Variants in NAALADL2 observed in about 807,000 individuals in gnomAD.
NAALADL2 encodes the protein inactive N-acetylated-alpha-linked acidic dipeptidase-like protein 2.
NAALADL2 carries 76 observed loss-of-function variants against 87.2 expected under a neutral mutation model. The observed-to-expected ratio is 0.87, with a 90% confidence interval of 0.72 to 1.05. The LOEUF (loss-of-function observed/expected upper bound fraction) is 1.05, where lower values mean the gene tolerates loss of function less well. Ranked by LOEUF, NAALADL2 falls within the 50% of genes least tolerant of loss-of-function variation. The pLI, the probability that NAALADL2 is intolerant of heterozygous loss-of-function variation, is 0.00. For missense variants in NAALADL2, 1,089 were observed against 945.8 expected, an observed-to-expected ratio of 1.15 and a Z score of -1.99; for synonymous variants, 354 against 331.0, an observed-to-expected ratio of 1.07 and a Z score of -0.75.
At chr3:175,297,090 C>T (rs977864025) in intron 4 of NAALADL2, among the ~76,000 whole-genome samples, 3 of 152,126 alleles carry the variant, frequency 2.0e-5, no homozygotes, top group Non-Finnish European at 4.4e-5. Flanking sequence ...TACTTACTGG[C>T]CTGTAGGTAC....
intron 13 of NAALADL2, among the ~76,000 whole-genome samples, chr3:175,778,671 AATT>A (rs1750599516): frequency 6.6e-6 from 1 of 152,222 alleles, no homozygotes. Context: ...CAGCTCATGT[AATT>A]ATTATAAAAA....
At chr3:175,017,275 A>G (rs913104445) in intron 1 of NAALADL2, among the ~76,000 whole-genome samples, 11 of 152,058 alleles carry the variant, frequency 7.2e-5, no homozygotes, top group Non-Finnish European at 4.4e-5. Flanking sequence ...AAATAGCCAG[A>G]CACTATTTTC....
chr3:174,532,250 A>G (rs934767451), intron 1 of NAALADL2, among the ~76,000 whole-genome samples: 1 of 152,314 alleles, frequency 6.6e-6, no homozygotes, highest in East Asian at 1.9e-4. Flanking sequence ...TGAGACAGAC[A>G]TGAGCACCTG....
intron 2 of NAALADL2, among the ~76,000 whole-genome samples, chr3:175,103,786 T>C (rs993691053): frequency 2.0e-5 from 3 of 152,194 alleles, no homozygotes; most frequent in Admixed American, 6.5e-5. Context: ...ACACAACTTA[T>C]GACCACTCTG....
chr3:174,521,922 C>T (rs1387157712), intron 1 of NAALADL2, among the ~76,000 whole-genome samples: 1 of 151,992 alleles, frequency 6.6e-6, no homozygotes, highest in African/African-American at 2.4e-5. Context: ...CACATATGGT[C>T]TCTGAATCTA....
chr3:174,964,035 G>GA (rs35955059), intron 1 of NAALADL2, among the ~76,000 whole-genome samples: 53 of 151,178 alleles, frequency 3.5e-4, no homozygotes, highest in African/African-American at 7.8e-4. Flanking sequence ...AATCTTTTGG[G>GA]AAAAAAAACT....
rs200140671 is a variant in NAALADL2 at position 175,455,504 on chromosome 3, G to A, written c.1235-7897G>A. ...GTAAAAGTTATTTTTTCTCATATTC[G>A]TATTATTTAAAATGTCTTCCTAGTT... On this transcript the variant is annotated intron_variant, in intron 6 of 13. Transcript: ENST00000454872. 8.6e-5 allele frequency among the ~76,000 whole-genome samples: 13 copies of A among 151,988 alleles called. No individual in the cohort carries two copies. The South Asian group carries it at 2.1e-3, about 24-fold the overall frequency.
rs184773753 is a variant in NAALADL2 at position 175,723,076 on chromosome 3, A to T, written c.1897-14230A>T. Reference sequence around the variant, plus strand: ...CGGCTCCTAGGGGCAGGTTCTGCTGAGCCCCAGCGTCTAGTCAAGCTGTCC... The same window carrying T: ...CGGCTCCTAGGGGCAGGTTCTGCTGTGCCCCAGCGTCTAGTCAAGCTGTCC... On this transcript the variant is annotated intron_variant, in intron 11 of 13. Coordinates refer to ENST00000454872, the MANE Select transcript of NAALADL2 (RefSeq NM_207015.3). Among the ~76,000 whole-genome samples, 630 of 152,236 alleles carry T rather than the reference A, an allele frequency of 4.1e-3. 1 individual carries two copies. The highest frequency in any genetic ancestry group is 0.02 in the Middle Eastern group (6 of 294).
rs115049364 is a variant in NAALADL2, at chr3:174,669,548, C to A, written c.-114-68093C>A. On this transcript the variant is annotated intron_variant, in intron 2 of 3. Transcript: ENST00000434257. ...GTACTCTTGTCAAAGGTAATTTGAC[C>A]GTATATGTTAAGGTTTATATCTAGG... Among the ~76,000 whole-genome samples the A allele has an allele frequency of 8.2e-3, 1,249 of 151,926 alleles. 24 individuals are homozygous for A. Among genetic ancestry groups the A allele is most frequent in the African/African-American group, 0.028 (1,176 of 41,434 alleles).
chr3:175,326,117 C>T (rs1760676990), intron 5 of NAALADL2, among the ~76,000 whole-genome samples: 2 of 152,240 alleles, frequency 1.3e-5, no homozygotes, highest in African/African-American at 4.8e-5. Flanking sequence ...ATATATTCTT[C>T]TGCCACATAA....
At chr3:175,438,256 T>C (rs1719077623) in intron 5 of NAALADL2, among the ~76,000 whole-genome samples, 1 of 152,054 alleles carries the variant, frequency 6.6e-6, no homozygotes, top group Non-Finnish European at 1.5e-5. Flanking sequence ...TGATAGAAAA[T>C]GGTAATATTT....
chr3:175,285,742 G>A (rs1051647649), intron 4 of NAALADL2, among the ~76,000 whole-genome samples: 4 of 151,914 alleles, frequency 2.6e-5, no homozygotes, highest in Non-Finnish European at 5.9e-5. Context: ...TATTTTAAAT[G>A]TCATTCATTG....
chr3:174,683,775 T>C (rs1024045317), intron 2 of NAALADL2, among the ~76,000 whole-genome samples: 3 of 151,932 alleles, frequency 2.0e-5, no homozygotes, highest in Non-Finnish European at 4.4e-5. Context: ...AAATGTTAAT[T>C]CAACTTGATA....
At chr3:175,529,548 C>A (rs566564550) in intron 9 of NAALADL2, among the ~76,000 whole-genome samples, 1 of 152,254 alleles carries the variant, frequency 6.6e-6, no homozygotes, top group Non-Finnish European at 1.5e-5. Context: ...ACATGGCCTT[C>A]TGGAGAACTT....
chr3:175,070,395 C>T (rs1244078541), intron 1 of NAALADL2, among the ~76,000 whole-genome samples: 1 of 151,874 alleles, frequency 6.6e-6, no homozygotes, highest in Non-Finnish European at 1.5e-5. Flanking sequence ...TGAGAATCTC[C>T]TAGATGATGT....
chr3:174,914,939 T>A (rs1347950842), intron 1 of NAALADL2, among the ~76,000 whole-genome samples: 1 of 152,166 alleles, frequency 6.6e-6, no homozygotes, highest in African/African-American at 2.4e-5. Context: ...TGTACAAGTT[T>A]TGATGAAAAG....
chr3:175,547,802 G>C lies in NAALADL2; in HGVS notation c.1654-28239G>C, dbSNP rs1713620111. Among the ~76,000 whole-genome samples, 4 of 87,476 alleles carry C rather than the reference G, an allele frequency of 4.6e-5. No individual in the cohort carries two copies. The South Asian group carries it at 2.4e-3, about 53-fold the overall frequency. 57.4% of individuals were successfully genotyped at this position (87,476 alleles called of 152,430 possible). A position where few individuals can be genotyped will look rare whatever the true frequency, so the allele number is the denominator to read the frequency against. ...GTGACCAACAATCATATGAAAAAAA[G>C]CTCAACATCACTGATCATTAGAGAA... On this transcript the variant is annotated intron_variant, in intron 9 of 13. Transcript: ENST00000454872.
At position 175,343,159 on chromosome 3, in the gene NAALADL2, A is replaced by G. The variant is rs1008909794; in HGVS notation, c.1090+18834A>G. Among the ~76,000 whole-genome samples, 14 of 152,214 alleles carry G rather than the reference A, an allele frequency of 9.2e-5. 2 individuals are homozygous for G. In the Middle Eastern group the frequency reaches 0.014, roughly 148 times the overall value. ...AGTATAGAATTTTTCTATTGTGCAC[A>G]TTAAAAAAATGAAATTAGATGAATT... On this transcript the variant is annotated intron_variant, in intron 5 of 13. Coordinates refer to ENST00000454872, the MANE Select transcript of NAALADL2 (RefSeq NM_207015.3).
intron 12 of NAALADL2, among the ~76,000 whole-genome samples, chr3:175,749,098 C>T (rs1746288505): frequency 6.9e-6 from 1 of 145,060 alleles, no homozygotes; most frequent in Non-Finnish European, 1.5e-5. Flanking sequence ...CAGAGCCAGA[C>T]CCATCAGGAA....
Sources: gnomAD v4.1 joint callset for allele counts (sites outside exome capture counted in the v4.1 genomes callset) on GRCh38, gnomAD v4.1.1 for gene constraint, MANE v1.5 for transcripts, NCBI Gene and HGNC (gene_info 2026-07-23, HGNC 2026-07-21) for gene names.